Variants in SUMF1 observed in about 807,000 individuals in gnomAD.
The protein encoded by SUMF1 is sulfatase modifying factor 1.
A neutral mutation model predicts 47.6 loss-of-function variants in SUMF1; 48 were observed. That is an observed-to-expected ratio of 1.01 (90% CI 0.80 to 1.28). The LOEUF (loss-of-function observed/expected upper bound fraction) is 1.28. Ranked by LOEUF, SUMF1 falls within the 50% of genes most tolerant of loss-of-function variation. The pLI, the probability that SUMF1 is intolerant of heterozygous loss-of-function variation, is 0.00. For missense variants in SUMF1, 571 were observed against 485.4 expected, an observed-to-expected ratio of 1.18 and a Z score of -1.66; for synonymous variants, 230 against 192.1, an observed-to-expected ratio of 1.20 and a Z score of -1.63.
At chr3:4,153,275 A>C (rs1442996642) in intron 8 of SUMF1, among the ~76,000 whole-genome samples, 1 of 151,596 alleles carries the variant, frequency 6.6e-6, no homozygotes, top group Non-Finnish European at 1.5e-5. Context: ...TGCAGTAAGC[A>C]ATCATAGCTC....
chr3:4,145,679 A>C (rs2125100574), intron 8 of SUMF1, among the ~76,000 whole-genome samples: 1 of 152,262 alleles, frequency 6.6e-6, no homozygotes, highest in South Asian at 2.1e-4. Context: ...GTCTGCATCA[A>C]AGATTGATGG....
chr3:4,189,697 C>A (rs1695274940), intron 8 of SUMF1, among the ~76,000 whole-genome samples: 1 of 88,380 alleles, frequency 1.1e-5, no homozygotes, highest in Non-Finnish European at 2.3e-5. Flanking sequence ...TTTTGAAGAA[C>A]TAAAGGAAGG....
intron 3 of SUMF1, among the ~76,000 whole-genome samples, chr3:4,437,289 T>TG (rs756351299): frequency 7.9e-5 from 12 of 152,196 alleles, no homozygotes; most frequent in Non-Finnish European, 1.5e-4. Context: ...AGTAAGGTCA[T>TG]GGGATTATTC....
chr3:4,351,420 C>T (rs1332920292), intron 8 of SUMF1, among the ~76,000 whole-genome samples: 1 of 152,100 alleles, frequency 6.6e-6, no homozygotes, highest in African/African-American at 2.4e-5. Flanking sequence ...TCAAGGAAGT[C>T]CTCTCATATA....
chr3:4,137,584 C>T (rs1693968909), intron 8 of SUMF1, among the ~76,000 whole-genome samples: 1 of 152,132 alleles, frequency 6.6e-6, no homozygotes, highest in African/African-American at 2.4e-5. Flanking sequence ...AACAAACCTG[C>T]ACGTTGTGCA....
In SUMF1 at chr3:4,041,693, C is replaced by G. The variant is rs564351060; in HGVS notation, c.1191+26876G>C. Among the ~76,000 whole-genome samples the G allele has an allele frequency of 2.3e-4, 35 of 152,152 alleles. 1 individual carries two copies. The highest frequency in any genetic ancestry group is 3.4e-3 in the Middle Eastern group (1 of 294). On this transcript the variant is annotated intron_variant and NMD_transcript_variant, in intron 9 of 12. Transcript: ENST00000448413. ...ATTCTACAGGTAAGTTACAAGAGGG[C>G]AAAAATAAAAAATAACACATCTTGT...
intron 8 of SUMF1, among the ~76,000 whole-genome samples, chr3:4,178,341 C>A (rs1450226752): frequency 6.6e-6 from 1 of 152,182 alleles, no homozygotes; most frequent in Non-Finnish European, 1.5e-5. Context: ...AGCTTATCCA[C>A]CACAATCAAT....
intron 8 of SUMF1, among the ~76,000 whole-genome samples, chr3:4,325,055 G>T (rs537596566): frequency 1.3e-5 from 2 of 152,142 alleles, no homozygotes; most frequent in South Asian, 4.2e-4. Context: ...AAAACCATCA[G>T]ATCTCATGAA....
intron 8 of SUMF1, among the ~76,000 whole-genome samples, chr3:4,168,500 A>G (rs1240909597): frequency 6.6e-6 from 1 of 152,226 alleles, no homozygotes; most frequent in African/African-American, 2.4e-5. Context: ...TAGGTGGTCA[A>G]TAAATATTTT....
intron 8 of SUMF1, among the ~76,000 whole-genome samples, chr3:4,213,287 C>A (rs576259565): frequency 6.6e-6 from 1 of 152,036 alleles, no homozygotes; most frequent in Non-Finnish European, 1.5e-5. Flanking sequence ...AATTTTCAAC[C>A]GAGAATTTCA....
chr3:4,109,370 T>C (rs934091318), intron 8 of SUMF1, among the ~76,000 whole-genome samples: 14 of 152,108 alleles, frequency 9.2e-5, no homozygotes, highest in African/African-American at 3.4e-4. Context: ...TTTTCCTTCA[T>C]TTCAACTTTG....
chr3:4,203,552 T>C (rs902198484), intron 8 of SUMF1, among the ~76,000 whole-genome samples: 1 of 151,996 alleles, frequency 6.6e-6, no homozygotes, highest in African/African-American at 2.4e-5. Context: ...CCCTGCAATG[T>C]CTTTTAATTG....
At position 4,453,555 on chromosome 3, in the gene SUMF1, C is replaced by T. The variant is rs370607590; in HGVS notation, c.271-506G>A. Among the ~76,000 whole-genome samples, 636 of 143,020 alleles carry T rather than the reference C, an allele frequency of 4.4e-3. 4 individuals are homozygous for T. The highest frequency in any genetic ancestry group is 0.015 in the African/African-American group (579 of 38,416). 93.8% of individuals were successfully genotyped at this position (143,020 alleles called of 152,430 possible). A position where few individuals can be genotyped will look rare whatever the true frequency, so the allele number is the denominator to read the frequency against. On this transcript the variant is annotated intron_variant, in intron 1 of 8. Coordinates refer to ENST00000272902, the MANE Select transcript of SUMF1 (RefSeq NM_182760.4). ...CTAATTTTTTTTTTTTTTTTTGAGA[C>T]GGAGTCTTGCTCTGTCGCCCCAGGC...
chr3:4,163,697 AAAC>A (rs1464139225), intron 8 of SUMF1, among the ~76,000 whole-genome samples: 4 of 151,836 alleles, frequency 2.6e-5, no homozygotes, highest in Non-Finnish European at 5.9e-5. Flanking sequence ...GGCAGAGTTA[AAAC>A]AACATCTGGG....
chr3:4,098,082 G>A (rs1692946954), intron 8 of SUMF1, among the ~76,000 whole-genome samples: 1 of 152,054 alleles, frequency 6.6e-6, no homozygotes, highest in African/African-American at 2.4e-5. Context: ...TCCTGTCAGG[G>A]TTGAGACTAC....
At chr3:4,059,029 G>C (rs905372008) in intron 9 of SUMF1, among the ~76,000 whole-genome samples, 2 of 152,258 alleles carry the variant, frequency 1.3e-5, no homozygotes, top group Admixed American at 6.5e-5. Context: ...AGAATGAACA[G>C]CAGAGAAAAG....
At chr3:4,344,823 T>C (rs1699341992) in intron 8 of SUMF1, among the ~76,000 whole-genome samples, 1 of 151,894 alleles carries the variant, frequency 6.6e-6, no homozygotes, top group Non-Finnish European at 1.5e-5. Flanking sequence ...AATAACCACT[T>C]TAGAGAGGAA....
intron 8 of SUMF1, among the ~76,000 whole-genome samples, chr3:4,132,456 T>C (rs1454449245): frequency 1.3e-5 from 2 of 152,232 alleles, no homozygotes; most frequent in East Asian, 3.9e-4. Flanking sequence ...GAAGGCCATG[T>C]ATGCTCTGAA....
In SUMF1 at chr3:4,056,456, T is replaced by C. The variant is rs569920505; in HGVS notation, c.1191+12113A>G. On this transcript the variant is annotated intron_variant and NMD_transcript_variant, in intron 9 of 12. Transcript: ENST00000448413. Reference sequence around the variant, plus strand: ...TGGGAGGTCTACACAGGAGGATCACTTGAGCCCAGGAGTTCAAGGCCAGCC... The same window carrying C: ...TGGGAGGTCTACACAGGAGGATCACCTGAGCCCAGGAGTTCAAGGCCAGCC... Among the ~76,000 whole-genome samples the C allele has an allele frequency of 2.6e-5, 4 of 152,256 alleles. No homozygotes were observed. In the South Asian group the frequency reaches 8.3e-4, roughly 32 times the overall value.
Sources: gnomAD v4.1 joint callset for allele counts (sites outside exome capture counted in the v4.1 genomes callset) on GRCh38, gnomAD v4.1.1 for gene constraint, MANE v1.5 for transcripts, NCBI Gene and HGNC (gene_info 2026-07-23, HGNC 2026-07-21) for gene names.